TENM2: variants seen among roughly 807,000 people sequenced by gnomAD.
TENM2 encodes the protein teneurin-2.
Under a neutral mutation model 245.2 loss-of-function variants are expected in TENM2, and 52 were observed. The ratio of observed to expected loss-of-function variants is 0.21; its 90% CI spans 0.17 to 0.27. The LOEUF (loss-of-function observed/expected upper bound fraction) is 0.27, where lower values mean the gene tolerates loss of function less well. Ranked by LOEUF, TENM2 falls within the 10% of genes least tolerant of loss-of-function variation. TENM2 has a pLI of 1.00. For missense variants in TENM2, 3,046 were observed against 3,666.8 expected (o/e 0.83, Z 4.37); for synonymous variants, 1,363 against 1,438.9 (o/e 0.95, Z 1.19).
intron 2 of TENM2, among the ~76,000 whole-genome samples, chr5:167,477,611 GTATTCC>G (rs1384308205): frequency 6.6e-6 from 1 of 152,160 alleles, no homozygotes; most frequent in African/African-American, 2.4e-5. Context: ...CACCTTTTTA[GTATTCC>G]TATTCAGTCA....
At chr5:168,262,389 G>T (rs775296333) in exon 29 of TENM2, 2 of 1,597,252 alleles carry the variant, frequency 1.3e-6, no homozygotes, top group Admixed American at 1.7e-5. Flanking sequence ...GTCACACTAG[G>T]CACCACCATC....
chr5:167,790,723 T>C (rs921101018), intron 2 of TENM2, among the ~76,000 whole-genome samples: 2 of 152,236 alleles, frequency 1.3e-5, no homozygotes, highest in Admixed American at 1.3e-4. Flanking sequence ...GAGGAGGCGC[T>C]CAGTTTCCAA....
At chr5:167,872,180 C>A (rs1275512084) in intron 2 of TENM2, among the ~76,000 whole-genome samples, 2 of 151,422 alleles carry the variant, frequency 1.3e-5, no homozygotes, top group African/African-American at 2.4e-5. Flanking sequence ...GTAATCCCAG[C>A]TACTTGTGGG....
At chr5:167,217,713 G>GATATATAT in the TENM2 span, among the ~76,000 whole-genome samples, 15 of 141,196 alleles carry the variant, frequency 1.1e-4, no homozygotes, top group African/African-American at 3.6e-4. Context: ...TGTAATGAGT[G>GATATATAT]ATATATATAT....
At chr5:167,649,386 A>G (rs1298970152) in intron 2 of TENM2, among the ~76,000 whole-genome samples, 2 of 152,096 alleles carry the variant, frequency 1.3e-5, no homozygotes, top group Admixed American at 6.6e-5. Context: ...TCTCTTCCAA[A>G]CAAGGCTACA....
At chr5:167,494,103 C>T (rs1252916710) in intron 2 of TENM2, among the ~76,000 whole-genome samples, 1 of 152,080 alleles carries the variant, frequency 6.6e-6, no homozygotes, top group Non-Finnish European at 1.5e-5. Context: ...TTACTCAATT[C>T]ACTTAGCTAG....
At chr5:167,230,051 C>T in the TENM2 span, among the ~76,000 whole-genome samples, 1 of 152,112 alleles carries the variant, frequency 6.6e-6, no homozygotes, top group Admixed American at 6.6e-5. Flanking sequence ...TGGCTCCTGC[C>T]TCAGCCCAGT....
chr5:167,364,040 C>T (rs1759888767), intron 1 of TENM2, among the ~76,000 whole-genome samples: 1 of 151,258 alleles, frequency 6.6e-6, no homozygotes, highest in Admixed American at 6.6e-5. Context: ...CAACAGACTG[C>T]ACAGAGAGAA....
intron 2 of TENM2, among the ~76,000 whole-genome samples, chr5:167,482,684 A>C (rs530806222): frequency 1.3e-5 from 2 of 152,302 alleles, no homozygotes; most frequent in East Asian, 3.9e-4. Flanking sequence ...TATTTATGGC[A>C]CACACTCTAG....
chr5:168,152,431 G>T (rs538733222), intron 12 of TENM2, among the ~76,000 whole-genome samples: 4 of 152,154 alleles, frequency 2.6e-5, no homozygotes, highest in Non-Finnish European at 5.9e-5. Context: ...AAAGAGAGCC[G>T]TCAACCCTGC....
chr5:167,988,434 C>A (rs1783412096), intron 4 of TENM2, among the ~76,000 whole-genome samples: 1 of 152,074 alleles, frequency 6.6e-6, no homozygotes, highest in Non-Finnish European at 1.5e-5. Context: ...TATACATATG[C>A]ATTTAATGAA....
intron 2 of TENM2, among the ~76,000 whole-genome samples, chr5:167,856,701 G>A (rs770950214): frequency 1.4e-4 from 22 of 152,294 alleles, no homozygotes; most frequent in South Asian, 8.3e-4. Flanking sequence ...TCCCCACGGG[G>A]CTGTGAGAGC....
the TENM2 span, among the ~76,000 whole-genome samples, chr5:167,146,196 C>T: frequency 6.6e-6 from 1 of 152,132 alleles, no homozygotes; most frequent in Admixed American, 6.6e-5. Flanking sequence ...TATGGGCTAA[C>T]TTGTCTTGTT....
intron 12 of TENM2, among the ~76,000 whole-genome samples, chr5:168,141,924 A>G (rs754523981): frequency 2.6e-5 from 4 of 152,196 alleles, no homozygotes; most frequent in Non-Finnish European, 5.9e-5. Context: ...TCTATTTTGG[A>G]GCGATTGGAG....
chr5:168,128,336 A>G (rs1376045117), intron 12 of TENM2, among the ~76,000 whole-genome samples: 1 of 152,190 alleles, frequency 6.6e-6, no homozygotes, highest in Non-Finnish European at 1.5e-5. Flanking sequence ...GACAGTTCTT[A>G]CAATAGCTTC....
chr5:167,218,697 C>T, the TENM2 span, among the ~76,000 whole-genome samples: 2 of 152,236 alleles, frequency 1.3e-5, no homozygotes, highest in South Asian at 2.1e-4. Context: ...AAGAAAACAA[C>T]TTGTTGCTTT....
intron 3 of TENM2, among the ~76,000 whole-genome samples, chr5:167,926,598 G>A (rs375113919): frequency 1.3e-4 from 20 of 152,130 alleles, no homozygotes; most frequent in South Asian, 4.1e-4. Flanking sequence ...GCACACACCC[G>A]TAATGCTAGC....
chr5:167,975,406 G>A (rs749096346), intron 4 of TENM2, among the ~76,000 whole-genome samples: 17 of 151,970 alleles, frequency 1.1e-4, no homozygotes, highest in Non-Finnish European at 1.9e-4. Context: ...GTGCCATGGC[G>A]ATATTTATGT....
chr5:167,144,603 A>G, the TENM2 span, among the ~76,000 whole-genome samples: 2 of 152,174 alleles, frequency 1.3e-5, no homozygotes, highest in African/African-American at 4.8e-5. Flanking sequence ...AACTTCCCAT[A>G]GAACAAGAAA....
Sources: gnomAD v4.1 joint callset for allele counts (sites outside exome capture counted in the v4.1 genomes callset) on GRCh38, gnomAD v4.1.1 for gene constraint, MANE v1.5 for transcripts, NCBI Gene and HGNC (gene_info 2026-07-23, HGNC 2026-07-21) for gene names.